The following KDM4D variants were observed in gnomAD, a reference collection of about 807,000 sequenced individuals.
The protein encoded by KDM4D is lysine-specific demethylase 4D.
For missense variants in KDM4D, 427 were observed against 674.8 expected (o/e 0.63, Z 4.07); for synonymous variants, 254 against 249.1 (o/e 1.02, Z -0.19).
chr11:94,998,247 C>T lies in KDM4D; in HGVS notation c.875C>T (p.Ala292Val). ...AACCATGGTTTCAACTGCGCAGAGG[C>T]CATCAATTTTGCCACTCCGCGATGG... Reference protein sequence around the residue: ...GFNHGFNCAEAINFATPRWID... With the variant: ...GFNHGFNCAEVINFATPRWID... Residue 292 changes from alanine (A) to valine (V), a missense_variant, in exon 3 of 3, where the codon GCC becomes GTC. Physicochemically the swap from Ala to Val is moderately conservative, Grantham distance 64. Transcript: ENST00000335080. The surrounding 1 kb of genome is among the most constrained non-coding windows in gnomAD (Gnocchi z 6.7). 6.2e-7 allele frequency: 1 copy of T among 1,614,236 alleles called. No homozygotes were observed. Among genetic ancestry groups the T allele is most frequent in the Non-Finnish European group, 8.5e-7 (1 of 1,180,044 alleles).
intron 2 of KDM4D, among the ~76,000 whole-genome samples, chr11:94,992,518 C>T (rs1857943387): frequency 6.6e-6 from 1 of 151,850 alleles, no homozygotes; most frequent in Non-Finnish European, 1.5e-5. Context: ...TTTTAACTTA[C>T]CAAAATTAGT....
intron 2 of KDM4D, among the ~76,000 whole-genome samples, chr11:94,989,695 C>T (rs1031381287): frequency 6.6e-6 from 1 of 151,502 alleles, no homozygotes; most frequent in African/African-American, 2.4e-5. Context: ...CATTTGTAGG[C>T]ACAAAAGGTA....
At chr11:94,988,587 C>T (rs2134113052) in intron 2 of KDM4D, among the ~76,000 whole-genome samples, 1 of 152,322 alleles carries the variant, frequency 6.6e-6, no homozygotes, top group Non-Finnish European at 1.5e-5. Flanking sequence ...CTTTCAGAGG[C>T]AGCAGTAGCT....
At chr11:94,992,865 A>G (rs1857946740) in intron 2 of KDM4D, among the ~76,000 whole-genome samples, 1 of 152,238 alleles carries the variant, frequency 6.6e-6, no homozygotes, top group Non-Finnish European at 1.5e-5. Context: ...CAAATATATT[A>G]TGCTTATAAA....
At position 94,997,667 on chromosome 11, in the gene KDM4D, G is replaced by T. The variant is rs782184645; in HGVS notation, c.295G>T (p.Gly99Trp). The change falls in exon 3 of 3, where the codon GGG becomes TGG. Residue 99 changes from glycine (G) to tryptophan (W), a missense_variant. Physicochemically the swap from Gly to Trp is radical, Grantham distance 184. Coordinates refer to ENST00000335080, the MANE Select transcript of KDM4D (RefSeq NM_018039.3). ...YHKKKKAMTV[G>W]EYRHLANSKK... Reference sequence around the variant, plus strand: ...TAAAAAAAAGAAAGCCATGACTGTGGGGGAGTATCGCCATTTGGCAAACAG... The same window carrying T: ...TAAAAAAAAGAAAGCCATGACTGTGTGGGAGTATCGCCATTTGGCAAACAG... 6.2e-7 allele frequency: 1 copy of T among 1,614,228 alleles called. No individual in the cohort carries two copies. The highest frequency in any genetic ancestry group is 1.7e-5 in the Admixed American group (1 of 60,032).
chr11:94,990,616 C>T (rs937029177), intron 2 of KDM4D, among the ~76,000 whole-genome samples: 6 of 152,084 alleles, frequency 3.9e-5, no homozygotes, highest in Non-Finnish European at 8.8e-5. Context: ...AATGAACTTA[C>T]AAAGACAGAA....
At chr11:94,991,999 A>C (rs1857938940) in intron 2 of KDM4D, among the ~76,000 whole-genome samples, 1 of 151,934 alleles carries the variant, frequency 6.6e-6, no homozygotes, top group Non-Finnish European at 1.5e-5. Flanking sequence ...TGCTCACACC[A>C]ATACCCACAC....
At chr11:94,977,257 G>A (rs1722050331) in intron 2 of KDM4D, among the ~76,000 whole-genome samples, 1 of 152,202 alleles carries the variant, frequency 6.6e-6, no homozygotes, top group Admixed American at 6.5e-5. Context: ...TAATAACATA[G>A]TTGGATGGGA....
At chr11:94,983,918 T>C (rs1450214585) in intron 2 of KDM4D, among the ~76,000 whole-genome samples, 1 of 152,172 alleles carries the variant, frequency 6.6e-6, no homozygotes, top group Admixed American at 6.5e-5. Flanking sequence ...AATTAAAATG[T>C]TGTTTCTTTA....
At chr11:94,995,731 T>C (rs12363870) in intron 2 of KDM4D, among the ~76,000 whole-genome samples, 40,530 of 152,054 alleles carry the variant, frequency 0.27, 7,112 homozygotes, top group Non-Finnish European at 0.38. Context: ...CAGGACTATT[T>C]GACTAAATAG....
At position 94,999,100 on chromosome 11, in the gene KDM4D, G is replaced by C; in HGVS notation, c.*156G>C. On this transcript the variant is annotated 3_prime_UTR_variant, in exon 3 of 3. Transcript: ENST00000335080. The stretch of plus-strand genomic sequence containing the variant: ...TGCCCTTGGATGCTGCCAAGTCCAT[G>C]GTAGTTTTCAATTTTGCCATACTTT... The C allele has an allele frequency of 3.3e-6, 2 of 612,578 alleles. No individual in the cohort carries two copies. The highest frequency in any genetic ancestry group is 5.1e-6 in the Non-Finnish European group (2 of 391,774). The allele number at this position is 612,578 out of a possible 1,614,324, so 37.9% of individuals were successfully genotyped here.
In KDM4D at chr11:94,997,393, G is replaced by T; in HGVS notation, c.21G>T (p.Lys7Asn). METMKS[K>N]ANCAQNPNCN... ...ATTAAATGGAAACTATGAAGTCTAA[G>T]GCCAACTGTGCCCAGAATCCAAATT... Residue 7 changes from lysine (K) to asparagine (N), a missense_variant, in exon 3 of 3, where the codon AAG (lysine) becomes AAT (asparagine). Lys to Asn is a moderately conservative substitution (Grantham distance 94). Coordinates refer to ENST00000335080, the MANE Select transcript of KDM4D (RefSeq NM_018039.3). 1 of 1,610,658 alleles carries T rather than the reference G, an allele frequency of 6.2e-7. No individual in the cohort carries two copies. Among genetic ancestry groups the T allele is most frequent in the Non-Finnish European group, 8.5e-7 (1 of 1,178,338 alleles).
In KDM4D at chr11:94,982,069, C is replaced by T. The variant is rs192086804; in HGVS notation, c.-350+6321C>T. On this transcript the variant is annotated intron_variant, in intron 2 of 2. Transcript: ENST00000335080. ...TTCTAATTTCCATTTTTTATTTTCT[C>T]ATTAAAAATTTATTTAGAAATATAC... Among the ~76,000 whole-genome samples, 8 of 151,464 alleles carry T rather than the reference C, an allele frequency of 5.3e-5. No homozygotes were observed. The East Asian group carries it at 1.2e-3, about 22-fold the overall frequency.
At position 94,999,450 on chromosome 11, in the gene KDM4D, G is replaced by A. The variant is rs1555099736; in HGVS notation, c.*506G>A. The A allele has an allele frequency of 1.2e-5, 2 of 166,746 alleles. No individual in the cohort carries two copies. The allele number at this position is 166,746 out of a possible 1,614,324, so 10.3% of individuals were successfully genotyped here. On this transcript the variant is annotated 3_prime_UTR_variant, in exon 3 of 3. Transcript: ENST00000335080. ...GATATGACTTTTCTGAGTTATTTAT[G>A]TACTTAAAATATGTTGTCACAGTAT...
chr11:94,994,118 C>T (rs1857957949), intron 2 of KDM4D, among the ~76,000 whole-genome samples: 1 of 152,088 alleles, frequency 6.6e-6, no homozygotes, highest in South Asian at 2.1e-4. Flanking sequence ...CCTGGGGTGT[C>T]TAGATGTCCT....
chr11:94,984,693 T>TA (rs35239329), intron 2 of KDM4D, among the ~76,000 whole-genome samples: 10,853 of 87,652 alleles, frequency 0.12, 693 homozygotes, highest in East Asian at 0.3. Flanking sequence ...CCATCTCTAC[T>TA]AAAAAAAAAA....
In KDM4D at chr11:94,973,979, A is replaced by C. The variant is rs924179129; in HGVS notation, c.-534A>C. On this transcript the variant is annotated 5_prime_UTR_variant, in exon 1 of 3. Coordinates refer to ENST00000335080, the MANE Select transcript of KDM4D (RefSeq NM_018039.3). The stretch of plus-strand genomic sequence containing the variant: ...CCTGAGCTAGAACCAACAAACCTAG[A>C]GAGTTGGGCTTCGGAAAAACTAGTG... 1 of 152,380 alleles carries C rather than the reference A, an allele frequency of 6.6e-6. No homozygotes were observed. The highest frequency in any genetic ancestry group is 2.1e-4 in the South Asian group (1 of 4,832). 9.4% of individuals were successfully genotyped at this position (152,380 alleles called of 1,614,324 possible).
rs1555099563 is a variant in KDM4D, at chr11:94,998,463, T to A, written c.1091T>A (p.Val364Asp). ...ASQELSTQKE[V>D]QLPRRAALGL... ...CAAGAGCTGAGCACCCAGAAGGAAG[T>A]CCAGTTACCCAGGAGAGCAGCGCTG... The change falls in exon 3 of 3, where the codon GTC becomes GAC. Residue 364 changes from valine (V) to aspartate (D), a missense_variant. By Grantham distance (152) the Val-to-Asp change is radical. Coordinates refer to ENST00000335080, the MANE Select transcript of KDM4D (RefSeq NM_018039.3). The surrounding 1 kb of genome is among the most constrained non-coding windows in gnomAD (Gnocchi z 6.7). 6.2e-7 allele frequency: 1 copy of A among 1,612,894 alleles called. No individual in the cohort carries two copies. The highest frequency in any genetic ancestry group is 1.3e-5 in the African/African-American group (1 of 74,948).
intron 2 of KDM4D, among the ~76,000 whole-genome samples, chr11:94,986,560 C>T (rs1857889569): frequency 6.6e-6 from 1 of 152,036 alleles, no homozygotes; most frequent in African/African-American, 2.4e-5. Context: ...TATGCCACTG[C>T]ACTCCAACCT....
Sources: gnomAD v4.1 joint callset for allele counts (sites outside exome capture counted in the v4.1 genomes callset) on GRCh38, gnomAD v4.1.1 for gene constraint, Gnocchi (gnomAD v3.1) non-coding constraint, MANE v1.5 for transcripts, NCBI Gene and HGNC (gene_info 2026-07-23, HGNC 2026-07-21) for gene names.